FCAR: variants seen among roughly 807,000 people sequenced by gnomAD.
The protein encoded by FCAR is immunoglobulin alpha Fc receptor.
In FCAR, 21 loss-of-function variants were observed where a neutral mutation model predicts 27.1. The observed-to-expected ratio is 0.77, with a 90% CI of 0.55 to 1.11. The LOEUF is 1.11. Ranked by LOEUF, FCAR falls within the 50% of genes most tolerant of loss-of-function variation. The probability of loss-of-function intolerance (pLI) is 0.00; values close to 1 mark genes in which losing one functional copy is unlikely to be tolerated. For synonymous variants in FCAR, 134 were observed against 135.8 expected, an observed-to-expected ratio of 0.99 and a Z score of 0.09; for missense variants, 404 against 358.4, an observed-to-expected ratio of 1.13 and a Z score of -1.03.
intron 1 of FCAR, 23 bp from the exon 2 acceptor site, chr19:54,875,307 T>G: frequency 1.2e-6 from 2 of 1,612,082 alleles, no homozygotes; most frequent in Non-Finnish European, 1.7e-6. Context: ...AAGCTTGATT[T>G]TTCATAAATC....
intron 2 of FCAR, among the ~76,000 whole-genome samples, chr19:54,884,612 A>G (rs587756764): frequency 1.6e-4 from 25 of 151,658 alleles, no homozygotes; most frequent in Admixed American, 5.3e-4. Flanking sequence ...CGACAAAACA[A>G]GACTCTGTCT....
chr19:54,875,401 AC>A, intron 2 of FCAR, 36 bp downstream of exon 2: 1 of 1,589,078 alleles, frequency 6.3e-7, no homozygotes, highest in Non-Finnish European at 8.6e-7. Flanking sequence ...GCCCCTTTAG[AC>A]CCTCTTGGGA....
chr19:54,882,728 C>G (rs918888675), intron 2 of FCAR, among the ~76,000 whole-genome samples: 1 of 152,042 alleles, frequency 6.6e-6, no homozygotes, highest in Non-Finnish European at 1.5e-5. Context: ...TGTGAGCCAC[C>G]GCGCCCGGCC....
At chr19:54,882,641 G>A (rs10412499) in intron 2 of FCAR, among the ~76,000 whole-genome samples, 25,802 of 151,726 alleles carry the variant, frequency 0.17, 3,014 homozygotes, top group African/African-American at 0.34. Flanking sequence ...GTTTTGTCAC[G>A]TTGGTCAGGC....
Position 54,888,005 on chromosome 19 carries a change from A to C in FCAR, c.362-2A>C, listed in dbSNP as rs772686521. 2.5e-6 allele frequency: 4 copies of C among 1,608,374 alleles called. No individual in the cohort carries two copies. Among genetic ancestry groups the C allele is most frequent in the Non-Finnish European group, 3.4e-6 (4 of 1,176,030 alleles). The stretch of plus-strand genomic sequence containing the variant: ...CTAATAGCTCACTCTTTTCTCTCTT[A>C]GGCTTGTATGGCAAACCCTTCCTCT... On this transcript the variant is annotated splice_acceptor_variant, in intron 3 of 4. Coordinates refer to ENST00000355524, the MANE Select transcript of FCAR (RefSeq NM_002000.4). LOFTEE classifies it high-confidence loss of function.
intron 3 of FCAR, 26 bp downstream of exon 3, chr19:54,885,551 C>T: frequency 1.3e-6 from 2 of 1,525,544 alleles, no homozygotes; most frequent in Non-Finnish European, 1.8e-6. Flanking sequence ...GGGTCCACAG[C>T]CCTGGTGTGA....
chr19:54,888,717 G>C, intron 4 of FCAR: 3 of 659,406 alleles, frequency 4.5e-6, no homozygotes, highest in Non-Finnish European at 5.7e-6. Flanking sequence ...TGTTGGCCAG[G>C]CTGGTCTCGA....
At chr19:54,886,297 CTTTATTTTT>C (rs1478876294) in intron 3 of FCAR, among the ~76,000 whole-genome samples, 2 of 80,088 alleles carry the variant, frequency 2.5e-5, no homozygotes, top group Admixed American at 3.2e-4. Flanking sequence ...TGTCATGTAT[CTTTATTTTT>C]TTTTTTTTTT....
chr19:54,875,947 A>C (rs1349991190), intron 2 of FCAR, among the ~76,000 whole-genome samples: 1 of 152,196 alleles, frequency 6.6e-6, no homozygotes, highest in East Asian at 1.9e-4. Context: ...AACAATACTC[A>C]TTCTTCCTAT....
At chr19:54,874,449 G>A (rs968559108) in intron 1 of FCAR, 126 bp downstream of exon 1, 34 of 895,218 alleles carry the variant, frequency 3.8e-5, no homozygotes, top group Non-Finnish European at 5.9e-5. Context: ...CTCCTTAGTG[G>A]AAAGGCCGTC....
chr19:54,889,838 C>T lies in FCAR; in HGVS notation c.839C>T (p.Ala280Val). ...QQMCQPGLTFARTPSVCK is the reference protein window; with the variant it reads ...QQMCQPGLTFVRTPSVCK ...ATGTGTCAGCCAGGATTGACCTTTG[C>T]ACGAACACCAAGTGTCTGCAAGTAA... The change falls in exon 5 of 5, where the codon GCA (alanine) becomes GTA (valine). Residue 280 changes from alanine (A) to valine (V), a missense_variant. Ala to Val is a moderately conservative substitution (Grantham distance 64, BLOSUM62 0). Coordinates refer to ENST00000355524, the MANE Select transcript of FCAR (RefSeq NM_002000.4). The T allele has an allele frequency of 6.2e-7, 1 of 1,605,740 alleles. No individual in the cohort carries two copies. The highest frequency in any genetic ancestry group is 8.5e-7 in the Non-Finnish European group (1 of 1,179,844).
intron 3 of FCAR, among the ~76,000 whole-genome samples, 159 bp from the exon 4 acceptor site, chr19:54,887,848 C>A (rs1455446923): frequency 6.7e-6 from 1 of 149,362 alleles, no homozygotes. Flanking sequence ...ACCCGGGAGA[C>A]GGAGGTTGCA....
chr19:54,874,911 C>T (rs920014804), intron 1 of FCAR, among the ~76,000 whole-genome samples: 5 of 152,112 alleles, frequency 3.3e-5, no homozygotes, highest in African/African-American at 1.2e-4. Flanking sequence ...TGGCTCACAC[C>T]TGCAATCCCA....
At chr19:54,876,685 C>T (rs587715809) in intron 2 of FCAR, among the ~76,000 whole-genome samples, 5,158 of 152,066 alleles carry the variant, frequency 0.034, 100 homozygotes, top group Middle Eastern at 0.078. Flanking sequence ...TTTGGGAAGC[C>T]AAGGCTTGTG....
chr19:54,883,072 T>C (rs963545759), intron 2 of FCAR, among the ~76,000 whole-genome samples: 1 of 152,008 alleles, frequency 6.6e-6, no homozygotes, highest in Non-Finnish European at 1.5e-5. Context: ...AGTGGCACAA[T>C]CTCGGCTCAC....
intron 1 of FCAR, among the ~76,000 whole-genome samples, chr19:54,874,979 G>A (rs1235321568): frequency 1.3e-5 from 2 of 152,022 alleles, no homozygotes; most frequent in African/African-American, 2.4e-5. Flanking sequence ...AACCATCCTG[G>A]CCAACATGGT....
chr19:54,876,169 A>T (rs956190753), intron 2 of FCAR, among the ~76,000 whole-genome samples: 4 of 152,082 alleles, frequency 2.6e-5, no homozygotes, highest in Non-Finnish European at 2.9e-5. Flanking sequence ...ACTGATTTTT[A>T]TATATTGATT....
intron 1 of FCAR, 72 bp downstream of exon 1, chr19:54,874,395 C>G: frequency 6.8e-7 from 1 of 1,463,932 alleles, no homozygotes; most frequent in Non-Finnish European, 9.6e-7. Context: ...TGTCTCTTAA[C>G]AGTGTGACTA....
At position 54,885,291 on chromosome 19, in the gene FCAR, G is replaced by C; in HGVS notation, c.127G>C (p.Gly43Arg). 1 of 1,613,942 alleles carries C rather than the reference G, an allele frequency of 6.2e-7. No individual in the cohort carries two copies. Residue 43 changes from glycine (G) to arginine (R), a missense_variant, in exon 3 of 5, where the codon GGA becomes CGA. Coordinates refer to ENST00000355524, the MANE Select transcript of FCAR (RefSeq NM_002000.4). Reference protein sequence around the residue: ...AKSSPVIPLDGSVKIQCQAIR... With the variant: ...AKSSPVIPLDRSVKIQCQAIR... ...ATCGAGTCCTGTGATTCCCTTGGAT[G>C]GATCTGTGAAAATCCAGTGCCAGGC...
Sources: allele counts gnomAD v4.1 joint callset (sites outside exome capture counted in the v4.1 genomes callset), GRCh38; gene constraint gnomAD v4.1.1; transcripts MANE v1.5; gene names NCBI Gene and HGNC (gene_info 2026-07-23, HGNC 2026-07-21).